Variants in ZHX3 observed in about 807,000 individuals in gnomAD.
ZHX3 encodes the protein zinc fingers and homeoboxes 3, also known as zinc fingers and homeoboxes protein 3.
ZHX3 carries 20 observed loss-of-function variants against 64.5 expected under a neutral mutation model. The observed-to-expected ratio is 0.31, with a 90% CI of 0.22 to 0.45. The LOEUF (loss-of-function observed/expected upper bound fraction) is 0.45. Among genes scored for constraint, ZHX3 ranks in the 20% least tolerant of loss-of-function variants. ZHX3 has a pLI of 1.00. For missense variants in ZHX3, 1,041 were observed against 1,195.8 expected, an observed-to-expected ratio of 0.87 and a Z score of 1.91; for synonymous variants, 423 against 461.6, an observed-to-expected ratio of 0.92 and a Z score of 1.07.
At chr20:41,189,211 A>T (rs2036794095) in intron 3 of ZHX3, among the ~76,000 whole-genome samples, 3 of 152,116 alleles carry the variant, frequency 2.0e-5, no homozygotes, top group Admixed American at 2.0e-4. Context: ...GTCTATTTTT[A>T]TACCAATACC....
At chr20:41,227,695 T>C (rs899247305) in intron 2 of ZHX3, among the ~76,000 whole-genome samples, 1 of 152,248 alleles carries the variant, frequency 6.6e-6, no homozygotes, top group Non-Finnish European at 1.5e-5. Flanking sequence ...GTGTCTGCCA[T>C]TATGAATTTG....
intron 1 of ZHX3, among the ~76,000 whole-genome samples, chr20:41,293,497 A>G (rs2044352610): frequency 6.6e-6 from 1 of 152,184 alleles, no homozygotes; most frequent in Non-Finnish European, 1.5e-5. Flanking sequence ...CTTGGAAGAG[A>G]CCAGGCTTGA....
At chr20:41,229,258 G>T (rs2040452377) in intron 2 of ZHX3, among the ~76,000 whole-genome samples, 1 of 151,990 alleles carries the variant, frequency 6.6e-6, no homozygotes, top group Admixed American at 6.6e-5. Context: ...CCTTTTAAAG[G>T]CTGAATAATA....
chr20:41,306,093 C>A (rs1469305691), intron 1 of ZHX3, among the ~76,000 whole-genome samples: 1 of 151,984 alleles, frequency 6.6e-6, no homozygotes, highest in Non-Finnish European at 1.5e-5. Context: ...AACTATATAG[C>A]CCTAGGTACC....
chr20:41,283,276 T>A lies in ZHX3; in HGVS notation c.-244-14193A>T, dbSNP rs187268411. On this transcript the variant is annotated intron_variant, in intron 1 of 3. Coordinates refer to ENST00000683867, the MANE Select transcript of ZHX3 (RefSeq NM_001384317.1). ...GCATTCACATGCCAGTGATTTTCTATACCCTGGAAATGAGAGCCCTCTCCT... is the reference window on the plus strand; with the variant it reads ...GCATTCACATGCCAGTGATTTTCTAAACCCTGGAAATGAGAGCCCTCTCCT... Among the ~76,000 whole-genome samples, 372 of 152,236 alleles carry A rather than the reference T, an allele frequency of 2.4e-3. 3 individuals carry two copies. The highest frequency in any genetic ancestry group is 8.8e-3 in the African/African-American group (366 of 41,538).
chr20:41,277,589 AT>A (rs11479824), intron 1 of ZHX3, among the ~76,000 whole-genome samples: 26,766 of 149,102 alleles, frequency 0.18, 3,910 homozygotes, highest in African/African-American at 0.41. Context: ...CTCCATGTTA[AT>A]TTTTTTTTTC....
At chr20:41,208,721 C>T (rs1042134075) in intron 2 of ZHX3, among the ~76,000 whole-genome samples, 2 of 152,030 alleles carry the variant, frequency 1.3e-5, no homozygotes, top group African/African-American at 4.8e-5. Flanking sequence ...TATGACAAAC[C>T]CACAGCCAAT....
intron 2 of ZHX3, among the ~76,000 whole-genome samples, chr20:41,220,675 TTTTTTGTTTTGTTTTG>T (rs1159522713): frequency 3.9e-5 from 6 of 152,146 alleles, no homozygotes; most frequent in African/African-American, 1.4e-4. Context: ...TTTTTTGGTT[TTTTTTGTTTTGTTTTG>T]TTTTTGTTTT....
At chr20:41,245,019 G>C (rs974181073) in intron 2 of ZHX3, among the ~76,000 whole-genome samples, 1 of 152,172 alleles carries the variant, frequency 6.6e-6, no homozygotes, top group Non-Finnish European at 1.5e-5. Flanking sequence ...TCACAAAAAG[G>C]ACCATGTTTC....
At chr20:41,186,497 G>C (rs1209723419) in intron 3 of ZHX3, among the ~76,000 whole-genome samples, 1 of 152,180 alleles carries the variant, frequency 6.6e-6, no homozygotes, top group East Asian at 1.9e-4. Flanking sequence ...AGTCCTTGGG[G>C]CGTATACCTA....
rs149260686 is a variant in ZHX3, at chr20:41,260,451, T to G, written c.-151+8539A>C. On this transcript the variant is annotated intron_variant, in intron 2 of 3. Coordinates refer to ENST00000683867, the MANE Select transcript of ZHX3 (RefSeq NM_001384317.1). ...ATGCCATGGGGTAGATGAGGTCACATAGTGGACACTTGAACTCCAGATGTC... is the reference window on the plus strand; with the variant it reads ...ATGCCATGGGGTAGATGAGGTCACAGAGTGGACACTTGAACTCCAGATGTC... 1.9e-3 allele frequency among the ~76,000 whole-genome samples: 289 copies of G among 152,290 alleles called. 2 individuals are homozygous for G. Among genetic ancestry groups the G allele is most frequent in the African/African-American group, 6.5e-3 (269 of 41,560 alleles).
At chr20:41,239,676 C>T (rs1213496494) in intron 2 of ZHX3, 1 of 152,200 alleles carries the variant, frequency 6.6e-6, no homozygotes, top group Non-Finnish European at 1.5e-5. Context: ...AAGACAGAAA[C>T]AAACATTCCC....
intron 1 of ZHX3, among the ~76,000 whole-genome samples, chr20:41,293,028 G>A (rs1051875190): frequency 7.2e-5 from 11 of 152,172 alleles, no homozygotes; most frequent in South Asian, 6.2e-4. Context: ...GATGGGAGAC[G>A]CACGTTTGAT....
chr20:41,275,857 C>T (rs1043943582), intron 1 of ZHX3, among the ~76,000 whole-genome samples: 1 of 152,176 alleles, frequency 6.6e-6, no homozygotes, highest in Non-Finnish European at 1.5e-5. Context: ...TCTAGTTGCA[C>T]TCAGTTAACC....
At chr20:41,267,188 ATTAGTTTAATATTT>A (rs1000722138) in intron 2 of ZHX3, among the ~76,000 whole-genome samples, 3 of 152,090 alleles carry the variant, frequency 2.0e-5, no homozygotes, top group African/African-American at 7.2e-5. Flanking sequence ...TTTCCTAGAC[ATTAGTTTAATATTT>A]TATGTCTTTT....
At chr20:41,209,273 T>C (rs933109109) in intron 2 of ZHX3, among the ~76,000 whole-genome samples, 19 of 152,120 alleles carry the variant, frequency 1.2e-4, no homozygotes, top group Non-Finnish European at 2.1e-4. Context: ...CCCAAGGTAA[T>C]TTATAGATTC....
In ZHX3 at chr20:41,183,212, C is replaced by T. The variant is rs549407632; in HGVS notation, c.*1979G>A. ...ATATATATATATAAATTAATCTGCA[C>T]GTATATAAACACTAAAAGGAGAAAT... On this transcript the variant is annotated 3_prime_UTR_variant, in exon 4 of 4. Transcript: ENST00000683867. This position sits in a 1 kb window ranked among gnomAD's most constrained non-coding sequence, Gnocchi z 5.3. The T allele has an allele frequency of 3.3e-5, 5 of 152,158 alleles. No homozygotes were observed. Among genetic ancestry groups the T allele is most frequent in the East Asian group, 3.9e-4 (2 of 5,184 alleles). 9.4% of individuals were successfully genotyped at this position (152,158 alleles called of 1,614,324 possible). A position where few individuals can be genotyped will look rare whatever the true frequency, so the allele number is the denominator to read the frequency against.
chr20:41,190,074 C>T (rs1196463676), intron 3 of ZHX3, among the ~76,000 whole-genome samples: 5 of 151,974 alleles, frequency 3.3e-5, no homozygotes, highest in South Asian at 2.1e-4. Context: ...GATGACCACA[C>T]GATTTTTGCT....
intron 2 of ZHX3, among the ~76,000 whole-genome samples, chr20:41,206,308 G>A (rs553989298): frequency 7.2e-5 from 11 of 152,218 alleles, no homozygotes; most frequent in Non-Finnish European, 1.5e-4. Flanking sequence ...TGGCTTTGAT[G>A]AGTTGAGAGA....
Sources: gnomAD v4.1 joint callset for allele counts (sites outside exome capture counted in the v4.1 genomes callset) on GRCh38, gnomAD v4.1.1 for gene constraint, Gnocchi (gnomAD v3.1) non-coding constraint, MANE v1.5 for transcripts, NCBI Gene and HGNC (gene_info 2026-07-23, HGNC 2026-07-21) for gene names.